The following MYOF variants were observed in gnomAD, a reference collection of about 807,000 sequenced individuals.
MYOF encodes fer-1-like 3, myoferlin.
MYOF carries 244 observed loss-of-function variants against 284.2 expected under a neutral mutation model. That is an observed-to-expected ratio of 0.86 (90% CI 0.77 to 0.95). MYOF has a LOEUF of 0.95. Ranked by LOEUF, MYOF falls within the 40% of genes least tolerant of loss-of-function variation. The pLI, the probability that MYOF is intolerant of heterozygous loss-of-function variation, is 0.00. For synonymous variants in MYOF, 904 were observed against 919.7 expected, an observed-to-expected ratio of 0.98 and a Z score of 0.31; for missense variants, 2,496 against 2,560.6, an observed-to-expected ratio of 0.97 and a Z score of 0.54.
chr10:93,426,258 G>GGGTAAGAGAGAGGGAGTA lies in MYOF; in HGVS notation c.346-118_346-101dup, dbSNP rs1848585767. 3.4e-6 allele frequency: 4 copies of GGGTAAGAGAGAGGGAGTA among 1,190,376 alleles called. No homozygotes were observed. The South Asian group carries it at 6.0e-5, about 18-fold the overall frequency. 73.7% of individuals were successfully genotyped at this position (1,190,376 alleles called of 1,614,324 possible). A position where few individuals can be genotyped will look rare whatever the true frequency, so the allele number is the denominator to read the frequency against. On this transcript the variant is annotated intron_variant, in intron 4 of 53. Transcript: ENST00000359263. ...TCAGCAGGAGCCAAAGTCTTGGAAG[G>GGGTAAGAGAGAGGGAGTA]GGTAAGAGAGAGGGAGTAGGTAAGC...
chr10:93,447,416 C>T (rs1249625061), intron 3 of MYOF, among the ~76,000 whole-genome samples: 2 of 152,116 alleles, frequency 1.3e-5, no homozygotes, highest in African/African-American at 4.8e-5. Context: ...GGGACGTGCT[C>T]GGTGGATGGC....
chr10:93,352,208 G>C (rs1199402852), intron 32 of MYOF, among the ~76,000 whole-genome samples: 1 of 152,126 alleles, frequency 6.6e-6, no homozygotes, highest in Non-Finnish European at 1.5e-5. Flanking sequence ...GCATAACTTT[G>C]AGGGAAAAAA....
Position 93,359,948 on chromosome 10 carries a change from T to A in MYOF, c.3005A>T (p.Asp1002Val). 2 of 1,614,166 alleles carry A rather than the reference T, an allele frequency of 1.2e-6. No individual in the cohort carries two copies. The highest frequency in any genetic ancestry group is 1.7e-6 in the Non-Finnish European group (2 of 1,180,020). The change falls in exon 29 of 54, where the codon GAT becomes GTT. Residue 1002 changes from aspartate (D) to valine (V), a missense_variant. Transcript: ENST00000359263. ...TGCAACCCAGGATTTGGGCTTATGA[T>A]CAGGAGGAATGGTGATTCCATATTC... The part of the protein sequence containing the change: ...GWEYGITIPP[D>V]HKPKSWVAAE...
chr10:93,309,897 G>T, intron 53 of MYOF, 123 bp downstream of exon 53: 1 of 1,238,044 alleles, frequency 8.1e-7, no homozygotes. Flanking sequence ...AAGCAGAAGG[G>T]TTACAACCCC....
chr10:93,332,796 G>A (rs547471789), intron 43 of MYOF, among the ~76,000 whole-genome samples: 9 of 152,118 alleles, frequency 5.9e-5, no homozygotes, highest in South Asian at 2.1e-4. Context: ...GCAGTGAGCC[G>A]AGATCACGCC....
At chr10:93,409,038 G>A in intron 6 of MYOF, 123 bp from the exon 7 acceptor site, 11 of 1,437,234 alleles carry the variant, frequency 7.7e-6, no homozygotes, top group Non-Finnish European at 7.5e-6. Flanking sequence ...GGGCAGCTTT[G>A]TGCTATACCA....
intron 7 of MYOF, among the ~76,000 whole-genome samples, chr10:93,408,422 A>G (rs1490942968): frequency 6.6e-6 from 1 of 151,964 alleles, no homozygotes; most frequent in Non-Finnish European, 1.5e-5. Flanking sequence ...CTGTAATCCC[A>G]GCGACTTGGG....
At chr10:93,465,862 A>G (rs1444886463) in intron 1 of MYOF, among the ~76,000 whole-genome samples, 1 of 152,128 alleles carries the variant, frequency 6.6e-6, no homozygotes, top group Non-Finnish European at 1.5e-5. Context: ...GCATCCCCCC[A>G]GGGAGTTCCC....
chr10:93,406,565 C>CG (rs1263462138), intron 7 of MYOF, among the ~76,000 whole-genome samples: 5 of 92,194 alleles, frequency 5.4e-5, no homozygotes, highest in East Asian at 2.4e-4. Flanking sequence ...TTGCCTCCTC[C>CG]CCACCCATCC....
At position 93,364,090 on chromosome 10, in the gene MYOF, G is replaced by A. The variant is rs1564651952; in HGVS notation, c.2754-15C>T. ...CAGTCAGCAAGCTGTGGGGCGGGGAGGGCTCAAGTTACCCAAGGAGACCGG... is the reference window on the plus strand; with the variant it reads ...CAGTCAGCAAGCTGTGGGGCGGGGAAGGCTCAAGTTACCCAAGGAGACCGG... On this transcript the variant is annotated splice_polypyrimidine_tract_variant and intron_variant, in intron 26 of 53. Coordinates refer to ENST00000359263, the MANE Select transcript of MYOF (RefSeq NM_013451.4). The A allele has an allele frequency of 1.8e-5, 29 of 1,610,790 alleles. No homozygotes were observed. The highest frequency in any genetic ancestry group is 2.4e-5 in the Non-Finnish European group (28 of 1,177,284).
intron 35 of MYOF, among the ~76,000 whole-genome samples, 199 bp downstream of exon 35, chr10:93,350,998 G>A (rs1167088098): frequency 6.6e-6 from 1 of 152,148 alleles, no homozygotes; most frequent in Non-Finnish European, 1.5e-5. Context: ...GATGCCCTCA[G>A]GAATGTTAGA....
chr10:93,450,495 A>G (rs764362719), intron 3 of MYOF, among the ~76,000 whole-genome samples: 1 of 152,220 alleles, frequency 6.6e-6, no homozygotes, highest in South Asian at 2.1e-4. Context: ...AATCACTTGA[A>G]CTAAGGAGGC....
At chr10:93,462,709 A>C (rs1334835807) in intron 1 of MYOF, among the ~76,000 whole-genome samples, 1 of 152,000 alleles carries the variant, frequency 6.6e-6, no homozygotes, top group Non-Finnish European at 1.5e-5. Flanking sequence ...TTTTATTGAA[A>C]ACCTATTCTC....
At chr10:93,389,789 G>C (rs1180431706) in intron 17 of MYOF, among the ~76,000 whole-genome samples, 1 of 152,030 alleles carries the variant, frequency 6.6e-6, no homozygotes, top group Non-Finnish European at 1.5e-5. Flanking sequence ...CCTCAATGAA[G>C]GGCACTAAGG....
chr10:93,364,061 G>A lies in MYOF; in HGVS notation c.2768C>T (p.Ala923Val), dbSNP rs750458434. 1.2e-6 allele frequency: 2 copies of A among 1,613,962 alleles called. No individual in the cohort carries two copies. Among genetic ancestry groups the A allele is most frequent in the African/African-American group, 1.3e-5 (1 of 74,922 alleles). ...AGTGAACTCCGTGTGACCTGCATCT[G>A]CCTCAGTCAGCAAGCTGTGGGGCGG... ...VDPERSLLTE[A>V]DAGHTEFTDE... is the part of the protein sequence containing the mutation. The change falls in exon 27 of 54, where the codon GCA becomes GTA. Residue 923 changes from alanine to valine, a missense_variant. Coordinates refer to ENST00000359263, the MANE Select transcript of MYOF (RefSeq NM_013451.4).
Position 93,397,413 on chromosome 10 carries a change from T to C in MYOF, c.1265A>G (p.Asn422Ser). 1 of 1,612,146 alleles carries C rather than the reference T, an allele frequency of 6.2e-7. No individual in the cohort carries two copies. The highest frequency in any genetic ancestry group is 8.5e-7 in the Non-Finnish European group (1 of 1,179,572). The change falls in exon 14 of 54, where the codon AAT becomes AGT. Residue 422 changes from asparagine (N) to serine (S), a missense_variant. By Grantham distance (46) the Asn-to-Ser change is conservative (BLOSUM62 1). Coordinates refer to ENST00000359263, the MANE Select transcript of MYOF (RefSeq NM_013451.4). ...CTTGATCTGAAGATTGACGACCTGA[T>C]TCCACTCTGGGTTTGCATTTTTCTC... ...IIEKNANPEW[N>S]QVVNLQIKFP... is the part of the protein sequence containing the mutation.
Position 93,379,963 on chromosome 10 carries a change from C to A in MYOF, c.1901G>T (p.Trp634Leu). ...GGTAACAACTGGCTTGGTGTGGGCC[C>A]AAGGCAAGTAATAATAGTAGTTGCC... Reference protein sequence around the residue: ...FDGNYYYYLPWAHTKPVVTLT... With the variant: ...FDGNYYYYLPLAHTKPVVTLT... The change falls in exon 21 of 54, where the codon TGG (tryptophan) becomes TTG (leucine). Residue 634 changes from tryptophan (W) to leucine (L), a missense_variant. Trp to Leu is a moderately conservative substitution (Grantham distance 61). Transcript: ENST00000359263. 6.2e-7 allele frequency: 1 copy of A among 1,613,902 alleles called. No individual in the cohort carries two copies. Among genetic ancestry groups the A allele is most frequent in the South Asian group, 1.1e-5 (1 of 90,992 alleles).
intron 5 of MYOF, among the ~76,000 whole-genome samples, chr10:93,421,306 A>G (rs1193804750): frequency 6.6e-6 from 1 of 152,316 alleles, no homozygotes; most frequent in Middle Eastern, 3.4e-3. Flanking sequence ...AAGGTATGCA[A>G]TGCCAAGAGG....
intron 45 of MYOF, 151 bp from the exon 46 acceptor site, chr10:93,326,116 G>C (rs1416238477): frequency 9.6e-7 from 1 of 1,038,240 alleles, no homozygotes; most frequent in Non-Finnish European, 1.4e-6. Flanking sequence ...AGGAAGAGTT[G>C]ACAGAAAGAG....
Sources: allele counts gnomAD v4.1 joint callset (sites outside exome capture counted in the v4.1 genomes callset), GRCh38; gene constraint gnomAD v4.1.1; transcripts MANE v1.5; gene names NCBI Gene and HGNC (gene_info 2026-07-23, HGNC 2026-07-21).